The following LOXHD1 variants were observed in gnomAD, a reference collection of about 807,000 sequenced individuals.
LOXHD1 encodes lipoxygenase homology domain-containing protein 1.
Under a neutral mutation model 248.2 loss-of-function variants are expected in LOXHD1, and 205 were observed. That is an observed-to-expected ratio of 0.83 (90% CI 0.74 to 0.93). The LOEUF is 0.93. LOXHD1 is among the 40% of genes least tolerant of loss of function. LOXHD1 has a pLI of 0.00. For synonymous variants in LOXHD1, 1,113 were observed against 1,162.8 expected (o/e 0.96, Z 0.87); for missense variants, 2,930 against 2,971.6 (o/e 0.99, Z 0.33).
At chr18:46,652,235 GACTGACTGGGAAGGAACACAGGGA>G (rs2039121006) in intron 1 of LOXHD1, among the ~76,000 whole-genome samples, 1 of 152,164 alleles carries the variant, frequency 6.6e-6, no homozygotes, top group Non-Finnish European at 1.5e-5. Flanking sequence ...AAGTAGGGGG[GACTGACTGGGAAGGAACACAGGGA>G]ACCCTTGAGG....
intron 4 of LOXHD1, among the ~76,000 whole-genome samples, chr18:46,636,600 G>A (rs981900390): frequency 7.9e-5 from 12 of 152,188 alleles, no homozygotes; most frequent in African/African-American, 2.7e-4. Context: ...TGAGGGTGGG[G>A]AGAGAGGAAC....
intron 26 of LOXHD1, among the ~76,000 whole-genome samples, chr18:46,535,426 T>C (rs2036266207): frequency 6.6e-6 from 1 of 151,152 alleles, no homozygotes; most frequent in African/African-American, 2.4e-5. Context: ...GTGTGCCAGG[T>C]GAGCCCCTGA....
Position 46,643,357 on chromosome 18 carries a change from CAG to C in LOXHD1, c.246-1323_246-1322del, listed in dbSNP as rs550443401. On this transcript the variant is annotated intron_variant, in intron 2 of 40. Coordinates refer to ENST00000642948, the MANE Select transcript of LOXHD1 (RefSeq NM_001384474.1). The stretch of plus-strand genomic sequence containing the variant: ...GAGGGAGGAAGCAGGGCAAAGTGCC[CAG>C]AGTTTCTACTCCACCATTGGCAAAA... Among the ~76,000 whole-genome samples the C allele has an allele frequency of 2.7e-4, 41 of 152,248 alleles. 1 individual carries two copies. Among genetic ancestry groups the C allele is most frequent in the Non-Finnish European group, 5.3e-4 (36 of 68,018 alleles).
At chr18:46,543,808 C>T (rs1164596831) in intron 23 of LOXHD1, among the ~76,000 whole-genome samples, 1 of 152,348 alleles carries the variant, frequency 6.6e-6, no homozygotes, top group Non-Finnish European at 1.5e-5. Context: ...CATACCCTCA[C>T]AACTCTCTAC....
chr18:46,628,375 C>G (rs1373931719), intron 4 of LOXHD1, among the ~76,000 whole-genome samples: 1 of 152,110 alleles, frequency 6.6e-6, no homozygotes, highest in East Asian at 1.9e-4. Flanking sequence ...CCCAGCCCTC[C>G]CTACCCTGGA....
chr18:46,619,583 G>A (rs1383456184), intron 4 of LOXHD1, among the ~76,000 whole-genome samples: 2 of 152,178 alleles, frequency 1.3e-5, no homozygotes, highest in Non-Finnish European at 1.5e-5. Context: ...AAGTACGCTG[G>A]AAAATAAATG....
chr18:46,601,178 G>C (rs1263267396), intron 8 of LOXHD1, 39 bp downstream of exon 8: 2 of 1,537,526 alleles, frequency 1.3e-6, no homozygotes, highest in Non-Finnish European at 1.8e-6. Flanking sequence ...GAGGAGAGGG[G>C]TTGAATCAGG....
At chr18:46,635,284 TG>T (rs1237658547) in intron 4 of LOXHD1, among the ~76,000 whole-genome samples, 1 of 152,138 alleles carries the variant, frequency 6.6e-6, no homozygotes, top group African/African-American at 2.4e-5. Flanking sequence ...AAGCAACTGA[TG>T]GGGGTTATGT....
intron 21 of LOXHD1, among the ~76,000 whole-genome samples, chr18:46,552,122 C>G (rs1252474722): frequency 6.6e-6 from 1 of 152,110 alleles, no homozygotes; most frequent in African/African-American, 2.4e-5. Flanking sequence ...ATCTGGAGAT[C>G]TGATACACAA....
rs374649476 is a variant in LOXHD1 at position 46,598,041 on chromosome 18, A to G, written c.1134+3176T>C. 5.0e-4 allele frequency among the ~76,000 whole-genome samples: 76 copies of G among 152,080 alleles called. 2 individuals carry two copies. The South Asian group carries it at 0.015, about 31-fold the overall frequency. On this transcript the variant is annotated intron_variant, in intron 8 of 40. Coordinates refer to ENST00000642948, the MANE Select transcript of LOXHD1 (RefSeq NM_001384474.1). Reference sequence around the variant, plus strand: ...CTCGGCCTCCAAAAGTGCTGGGATTACAAGATTGAACCACTGCGCCCGGCC... The same window carrying G: ...CTCGGCCTCCAAAAGTGCTGGGATTGCAAGATTGAACCACTGCGCCCGGCC...
In LOXHD1 at chr18:46,588,240, A is replaced by G. The variant is rs2038098446; in HGVS notation, c.1654+3693T>C. 2.6e-5 allele frequency among the ~76,000 whole-genome samples: 4 copies of G among 152,224 alleles called. No homozygotes were observed. In the South Asian group the frequency reaches 8.3e-4, roughly 32 times the overall value. ...TAAGATAAATGTTTGTGGGCCATAA[A>G]GAGCAGTTGAGAGAAAGAAATTCAA... On this transcript the variant is annotated intron_variant, in intron 12 of 40. Coordinates refer to ENST00000642948, the MANE Select transcript of LOXHD1 (RefSeq NM_001384474.1).
chr18:46,593,841 C>G (rs754941870), intron 9 of LOXHD1, 81 bp from the exon 10 acceptor site: 2 of 1,465,770 alleles, frequency 1.4e-6, no homozygotes, highest in Non-Finnish European at 1.9e-6. Flanking sequence ...AGGAAAAATC[C>G]AAAATGATCA....
chr18:46,537,792 G>T (rs1340015940), intron 26 of LOXHD1, among the ~76,000 whole-genome samples: 1 of 152,214 alleles, frequency 6.6e-6, no homozygotes, highest in African/African-American at 2.4e-5. Context: ...CCTCTCCCTG[G>T]CTAGCAGTAT....
At chr18:46,494,059 C>T (rs1165324280) in intron 37 of LOXHD1, among the ~76,000 whole-genome samples, 2 of 152,210 alleles carry the variant, frequency 1.3e-5, no homozygotes, top group South Asian at 2.1e-4. Flanking sequence ...TTAGACCTCA[C>T]TTCCTCTGCA....
At chr18:46,500,676 TACA>T (rs2034168584) in intron 37 of LOXHD1, among the ~76,000 whole-genome samples, 1 of 152,218 alleles carries the variant, frequency 6.6e-6, no homozygotes, top group Admixed American at 6.5e-5. Flanking sequence ...TGACATGGCT[TACA>T]ATATTATGCA....
intron 21 of LOXHD1, chr18:46,555,413 A>G (rs891342150): frequency 2.0e-5 from 5 of 253,608 alleles, no homozygotes; most frequent in Non-Finnish European, 3.2e-5. Flanking sequence ...TGGTTTCACA[A>G]TGACCTCACA....
rs1032456776 is a variant in LOXHD1 at position 46,656,956 on chromosome 18, G to A, written c.78C>T (p.Tyr26=). 17 of 1,551,498 alleles carry A rather than the reference G, an allele frequency of 1.1e-5. No homozygotes were observed. The highest frequency in any genetic ancestry group is 2.7e-5 in the African/African-American group (2 of 73,032). Residue 26 remains tyrosine, a synonymous_variant, in exon 1 of 41, where the codon TAC becomes TAT. Coordinates refer to ENST00000642948, the MANE Select transcript of LOXHD1 (RefSeq NM_001384474.1). ...LALYEAELLN[Y]ASEDDEGELE... ...GCTCCCCCTCGTCGTCCTCCGAGGC[G>A]TAGTTCAGCAGCTCCGCTTCGTACA...
At position 46,601,286 on chromosome 18, in the gene LOXHD1, AAGG is replaced by A; in HGVS notation, c.1062_1064del (p.Leu355del). On this transcript the variant is annotated inframe_deletion, in exon 8 of 41. Transcript: ENST00000642948. Reference sequence around the variant, plus strand: ...CGACGGAGACCCGACTCAGGGGGCTAAGGAGGACAGCCAGCTCGATGTGGAAGA... The same window carrying A: ...CGACGGAGACCCGACTCAGGGGGCTAAGGACAGCCAGCTCGATGTGGAAGA... 6.4e-7 allele frequency: 1 copy of A among 1,551,700 alleles called. No individual in the cohort carries two copies.
At chr18:46,594,237 G>T in intron 9 of LOXHD1, 94 bp downstream of exon 9, 1 of 1,472,134 alleles carries the variant, frequency 6.8e-7, no homozygotes, top group Non-Finnish European at 9.2e-7. Context: ...AGCAGGAGTG[G>T]ACTGCCCTCA....
Sources: gnomAD v4.1 joint callset for allele counts (sites outside exome capture counted in the v4.1 genomes callset) on GRCh38, gnomAD v4.1.1 for gene constraint, MANE v1.5 for transcripts, NCBI Gene and HGNC (gene_info 2026-07-23, HGNC 2026-07-21) for gene names.